The following MACROD2 variants were observed in gnomAD, a reference collection of about 807,000 sequenced individuals.
MACROD2 encodes mono-ADP ribosylhydrolase 2.
In MACROD2, 36 loss-of-function variants were observed where a neutral mutation model predicts 70.4. That is an observed-to-expected ratio of 0.51 (90% CI 0.39 to 0.68). MACROD2 has a LOEUF of 0.68. Ranked by LOEUF, MACROD2 falls within the 30% of genes least tolerant of loss-of-function variation. The pLI, the probability that MACROD2 is intolerant of heterozygous loss-of-function variation, is 0.00. For synonymous variants in MACROD2, 172 were observed against 178.8 expected (o/e 0.96, Z 0.30); for missense variants, 496 against 538.4 (o/e 0.92, Z 0.78).
At chr20:15,327,823 C>T (rs572610200) in intron 6 of MACROD2, among the ~76,000 whole-genome samples, 96 of 152,028 alleles carry the variant, frequency 6.3e-4, no homozygotes, top group Non-Finnish European at 1.2e-3. Context: ...ATATTCTATC[C>T]AGCCCTTACT....
At chr20:15,607,127 G>T (rs1013273267) in intron 8 of MACROD2, among the ~76,000 whole-genome samples, 5 of 152,078 alleles carry the variant, frequency 3.3e-5, no homozygotes, top group African/African-American at 4.8e-5. Flanking sequence ...ATCAGCCTAG[G>T]CAACATAGCA....
rs1392039088 is a variant in MACROD2, at chr20:14,450,980, A to G, written c.272-42499A>G. ...TTCATATCACCATAGAAAGGGGTCA[A>G]TATGGACTCTTCAGGAAGATAATGA... On this transcript the variant is annotated intron_variant, in intron 3 of 17. Transcript: ENST00000684519. Among the ~76,000 whole-genome samples, 3 of 152,244 alleles carry G rather than the reference A, an allele frequency of 2.0e-5. No homozygotes were observed. In the East Asian group the frequency reaches 5.8e-4, roughly 29 times the overall value.
chr20:14,057,721 C>T (rs982026748), intron 2 of MACROD2, among the ~76,000 whole-genome samples: 7 of 152,132 alleles, frequency 4.6e-5, no homozygotes, highest in African/African-American at 1.4e-4. Context: ...AGCACAGTAA[C>T]ATTCAAAGTA....
chr20:14,704,003 C>T (rs916559149), intron 5 of MACROD2, among the ~76,000 whole-genome samples: 1 of 152,120 alleles, frequency 6.6e-6, no homozygotes, highest in African/African-American at 2.4e-5. Flanking sequence ...GCTGAGATTA[C>T]AGGTGTGAGC....
At position 15,827,159 on chromosome 20, in the gene MACROD2, T is replaced by C. The variant is rs73614464; in HGVS notation, c.646-35586T>C. Among the ~76,000 whole-genome samples the C allele has an allele frequency of 7.0e-3, 1,070 of 152,270 alleles. 31 individuals carry two copies. The highest frequency in any genetic ancestry group is 0.054 in the South Asian group (259 of 4,824). ...AGCAGTCATTGGTCTATAACAAAGC[T>C]TTTCAAAGATAAGAAGAAAAACTAT... On this transcript the variant is annotated intron_variant, in intron 8 of 17. Coordinates refer to ENST00000684519, the MANE Select transcript of MACROD2 (RefSeq NM_001351661.2).
In MACROD2 at chr20:15,987,123, T is replaced by C. The variant is rs775639120; in HGVS notation, c.1118T>C (p.Leu373Ser). ...GTGGAGCAACCAGAAGTGATTCCAT[T>C]AACAGAGGACCAAGAAGAAAAAGAA... ...VIVEQPEVIPLTEDQEEKEGE... is the reference protein window; with the variant it reads ...VIVEQPEVIPSTEDQEEKEGE... Residue 373 changes from leucine to serine, a missense_variant, in exon 15 of 18, where the codon TTA becomes TCA. Leu to Ser is a moderately radical substitution (Grantham distance 145, BLOSUM62 -2). Coordinates refer to ENST00000684519, the MANE Select transcript of MACROD2 (RefSeq NM_001351661.2). 1 of 1,612,340 alleles carries C rather than the reference T, an allele frequency of 6.2e-7. No homozygotes were observed. The highest frequency in any genetic ancestry group is 1.1e-5 in the South Asian group (1 of 90,654).
chr20:15,875,419 T>G (rs1387725404), intron 9 of MACROD2, among the ~76,000 whole-genome samples: 6 of 152,122 alleles, frequency 3.9e-5, no homozygotes, highest in African/African-American at 1.4e-4. Flanking sequence ...ATTTATGTAC[T>G]TTTAATGTGC....
intron 3 of MACROD2, among the ~76,000 whole-genome samples, chr20:14,287,029 C>G (rs1381841529): frequency 6.6e-6 from 1 of 152,130 alleles, no homozygotes; most frequent in Non-Finnish European, 1.5e-5. Flanking sequence ...TCTCCTCATC[C>G]TGACTGCATT....
At chr20:14,019,598 TGGTGGGCAGGGAGCTAGGGAATG>T (rs2053043336) in intron 2 of MACROD2, among the ~76,000 whole-genome samples, 1 of 151,806 alleles carries the variant, frequency 6.6e-6, no homozygotes, top group Non-Finnish European at 1.5e-5. Flanking sequence ...GAAAGTAGTT[TGGTGGGCAGGGAGCTAGGGAATG>T]GGTGCTGCTG....
chr20:14,840,816 T>G (rs2073078988), intron 5 of MACROD2, among the ~76,000 whole-genome samples: 1 of 152,080 alleles, frequency 6.6e-6, no homozygotes, highest in Non-Finnish European at 1.5e-5. Flanking sequence ...TGTTCTATAA[T>G]ATTTTATCAT....
At chr20:15,488,914 G>A (rs147407290) in intron 7 of MACROD2, among the ~76,000 whole-genome samples, 9 of 152,264 alleles carry the variant, frequency 5.9e-5, no homozygotes, top group South Asian at 2.1e-4. Context: ...TTTGTTTCAC[G>A]AACCATTTCT....
chr20:15,774,523 A>T (rs1339262116), intron 8 of MACROD2, among the ~76,000 whole-genome samples: 2 of 152,076 alleles, frequency 1.3e-5, no homozygotes, highest in Non-Finnish European at 2.9e-5. Context: ...TTCCCCAAGG[A>T]GCTGGTAAAG....
intron 4 of MACROD2, among the ~76,000 whole-genome samples, chr20:14,574,427 G>T (rs1023589992): frequency 6.6e-6 from 1 of 152,048 alleles, no homozygotes; most frequent in Non-Finnish European, 1.5e-5. Flanking sequence ...GGTCTGTAGG[G>T]ATAATTGGCA....
intron 3 of MACROD2, among the ~76,000 whole-genome samples, chr20:14,464,831 G>A (rs2084421363): frequency 6.6e-6 from 1 of 152,066 alleles, no homozygotes; most frequent in Non-Finnish European, 1.5e-5. Context: ...TAGTTTCCAT[G>A]TAGTTGAGCA....
At chr20:15,043,974 A>G (rs2075374138) in intron 5 of MACROD2, among the ~76,000 whole-genome samples, 1 of 152,206 alleles carries the variant, frequency 6.6e-6, no homozygotes, top group African/African-American at 2.4e-5. Flanking sequence ...TTGTACCTGC[A>G]TGTGCTCAGC....
intron 3 of MACROD2, among the ~76,000 whole-genome samples, chr20:14,309,973 C>T (rs1223079526): frequency 6.6e-6 from 1 of 152,070 alleles, no homozygotes; most frequent in Non-Finnish European, 1.5e-5. Context: ...CCAGACTCTT[C>T]AGTTTTAGAA....
intron 8 of MACROD2, among the ~76,000 whole-genome samples, chr20:15,579,221 A>G (rs1251434341): frequency 1.3e-5 from 2 of 152,188 alleles, no homozygotes; most frequent in African/African-American, 4.8e-5. Flanking sequence ...TGCTGCTTTG[A>G]AATGAGTTAT....
intron 3 of MACROD2, 105 bp from the exon 4 acceptor site, chr20:14,493,374 A>G (rs2084815898): frequency 5.7e-6 from 5 of 878,446 alleles, no homozygotes; most frequent in South Asian, 4.7e-5. Flanking sequence ...TTATGTATGT[A>G]TATGAGACAT....
intron 6 of MACROD2, among the ~76,000 whole-genome samples, chr20:15,392,327 A>G (rs530370330): frequency 6.6e-6 from 1 of 152,336 alleles, no homozygotes; most frequent in African/African-American, 2.4e-5. Flanking sequence ...AATAGGTGAT[A>G]TTAATATTCA....
Sources: allele counts gnomAD v4.1 joint callset (sites outside exome capture counted in the v4.1 genomes callset), GRCh38; gene constraint gnomAD v4.1.1; transcripts MANE v1.5; gene names NCBI Gene and HGNC (gene_info 2026-07-23, HGNC 2026-07-21).